The following CDK12 variants were observed in gnomAD, a reference collection of about 807,000 sequenced individuals.
CDK12 encodes the protein cyclin-dependent kinase 12.
A neutral mutation model predicts 133.8 loss-of-function variants in CDK12; 17 were observed. The observed-to-expected ratio is 0.13, with a 90% CI of 0.09 to 0.19. The LOEUF (loss-of-function observed/expected upper bound fraction) is 0.19. Among genes scored for constraint, CDK12 ranks in the 10% least tolerant of loss-of-function variants. CDK12 has a pLI of 1.00. For missense variants in CDK12, 1,508 were observed against 1,818.7 expected (o/e 0.83, Z 3.11); for synonymous variants, 694 against 683.6 (o/e 1.02, Z -0.24).
chr17:39,475,041 G>T (rs1420828671), intron 2 of CDK12, among the ~76,000 whole-genome samples: 1 of 151,538 alleles, frequency 6.6e-6, no homozygotes, highest in African/African-American at 2.4e-5. Context: ...CACCATGTTG[G>T]CCAGGCTGGT....
Position 39,505,177 on chromosome 17 carries a change from T to C in CDK12, c.2609+3738T>C, listed in dbSNP as rs554704581. Among the ~76,000 whole-genome samples the C allele has an allele frequency of 3.4e-4, 47 of 139,156 alleles. No homozygotes were observed. In the South Asian group the frequency reaches 0.01, roughly 31 times the overall value. The allele number at this position is 139,156 out of a possible 152,430, so 91.3% of individuals were successfully genotyped here. On this transcript the variant is annotated intron_variant, in intron 6 of 13. Transcript: ENST00000447079. The stretch of plus-strand genomic sequence containing the variant: ...CCAGGAGACAGAGGTTGCAGTGAGC[T>C]GAGATCGCGCCACTGCACTCCAGCC...
chr17:39,531,490 A>T lies in CDK12; in HGVS notation c.*174A>T, dbSNP rs1366411767. The T allele has an allele frequency of 3.8e-6, 2 of 525,824 alleles. No homozygotes were observed. The highest frequency in any genetic ancestry group is 2.0e-5 in the African/African-American group (1 of 50,636). The allele number at this position is 525,824 out of a possible 1,614,324, so 32.6% of individuals were successfully genotyped here. On this transcript the variant is annotated 3_prime_UTR_variant, in exon 14 of 14. Transcript: ENST00000447079. ...CTACTAGCAGGCGACTTACGAAATAATGATGTTGGCACCAGTTCCCCCTGG... is the reference window on the plus strand; with the variant it reads ...CTACTAGCAGGCGACTTACGAAATATTGATGTTGGCACCAGTTCCCCCTGG...
chr17:39,518,975 C>T (rs1312228941), intron 10 of CDK12, among the ~76,000 whole-genome samples: 1 of 152,202 alleles, frequency 6.6e-6, no homozygotes, highest in African/African-American at 2.4e-5. Flanking sequence ...CATCTCGGCT[C>T]ACTGCAACCT....
At chr17:39,554,707 C>T (rs942542759) in intron 2 of CDK12, among the ~76,000 whole-genome samples, 2 of 151,694 alleles carry the variant, frequency 1.3e-5, no homozygotes, top group African/African-American at 2.4e-5. Flanking sequence ...GGTGAAACGC[C>T]GTCTCTACTA....
chr17:39,476,355 C>T (rs577021170), intron 2 of CDK12, among the ~76,000 whole-genome samples: 11 of 151,978 alleles, frequency 7.2e-5, no homozygotes, highest in East Asian at 1.9e-4. Context: ...ATGATCTGTC[C>T]GCCTCAGCCT....
intron 11 of CDK12, among the ~76,000 whole-genome samples, chr17:39,523,949 C>G (rs1277399691): frequency 6.6e-6 from 1 of 152,100 alleles, no homozygotes; most frequent in African/African-American, 2.4e-5. Context: ...CCGCGCCCAG[C>G]CAAATTCATT....
At chr17:39,519,414 T>C (rs1052546906) in intron 10 of CDK12, among the ~76,000 whole-genome samples, 3 of 146,536 alleles carry the variant, frequency 2.0e-5, no homozygotes, top group Non-Finnish European at 3.0e-5. Flanking sequence ...GTCCAAGCGA[T>C]TCTCAGCCCT....
intron 2 of CDK12, among the ~76,000 whole-genome samples, chr17:39,482,196 G>A (rs2050769532): frequency 6.6e-6 from 1 of 151,010 alleles, no homozygotes; most frequent in South Asian, 2.1e-4. Context: ...GTTTTTAATA[G>A]AGATGGGGTT....
At chr17:39,485,067 G>A (rs919868308) in intron 2 of CDK12, among the ~76,000 whole-genome samples, 4 of 151,672 alleles carry the variant, frequency 2.6e-5, no homozygotes, top group Admixed American at 6.6e-5. Context: ...CTACTCGGGA[G>A]GCTGAGGCAG....
chr17:39,526,149 A>C lies in CDK12; in HGVS notation c.3593A>C (p.Glu1198Ala). 6.2e-7 allele frequency: 1 copy of C among 1,614,194 alleles called. No individual in the cohort carries two copies. Among genetic ancestry groups the C allele is most frequent in the Non-Finnish European group, 8.5e-7 (1 of 1,180,038 alleles). ...CCTTCAGCAGAACAGACGACCCTTG[A>C]AGCTTCAAGCACACCAGCTGACATG... is the stretch of plus-strand genomic sequence containing the variant. Reference protein sequence around the residue: ...ILPSAEQTTLEASSTPADMQN... With the variant: ...ILPSAEQTTLAASSTPADMQN... The change falls in exon 13 of 14, where the codon GAA (glutamate) becomes GCA (alanine). Residue 1198 changes from glutamate to alanine, a missense_variant. Coordinates refer to ENST00000447079, the MANE Select transcript of CDK12 (RefSeq NM_016507.4).
At chr17:39,482,498 C>T (rs1359711989) in intron 2 of CDK12, among the ~76,000 whole-genome samples, 1 of 150,290 alleles carries the variant, frequency 6.7e-6, no homozygotes, top group Non-Finnish European at 1.5e-5. Context: ...TTTTAGGGAA[C>T]ACTTCACGAA....
Position 39,526,138 on chromosome 17 carries a change from G to A in CDK12, c.3582G>A (p.Gln1194=), listed in dbSNP as rs773025524. The change falls in exon 13 of 14, where the codon CAG becomes CAA. Residue 1194 remains glutamine, a synonymous_variant. Coordinates refer to ENST00000447079, the MANE Select transcript of CDK12 (RefSeq NM_016507.4). ...CAGTGATCCTGCCTTCAGCAGAACA[G>A]ACGACCCTTGAAGCTTCAAGCACAC... ...SAPVILPSAE[Q]TTLEASSTPA... 1.2e-6 allele frequency: 2 copies of A among 1,614,200 alleles called. No individual in the cohort carries two copies. Among genetic ancestry groups the A allele is most frequent in the South Asian group, 1.1e-5 (1 of 91,084 alleles).
At chr17:39,482,326 TAA>T (rs2050778715) in intron 2 of CDK12, among the ~76,000 whole-genome samples, 3 of 152,086 alleles carry the variant, frequency 2.0e-5, no homozygotes, top group Non-Finnish European at 4.4e-5. Context: ...TCTGTTTTTC[TAA>T]TAGCCTTGTT....
intron 10 of CDK12, among the ~76,000 whole-genome samples, chr17:39,518,273 G>A (rs1256095111): frequency 1.3e-5 from 2 of 151,646 alleles, no homozygotes; most frequent in African/African-American, 2.4e-5. Context: ...CTCTGAGTCC[G>A]GCCCCACCTT....
At chr17:39,520,346 G>T (rs540992226) in intron 11 of CDK12, among the ~76,000 whole-genome samples, 2 of 152,180 alleles carry the variant, frequency 1.3e-5, no homozygotes, top group Non-Finnish European at 2.9e-5. Flanking sequence ...GAATATTGTT[G>T]TGTAGAGCCT....
chr17:39,544,375 C>A, upstream of CDK12: 1 of 481,000 alleles, frequency 2.1e-6, no homozygotes, highest in South Asian at 1.6e-5. Context: ...GGGCCTAAAG[C>A]CAATCAGAGG....
At chr17:39,501,207 CTTT>C (rs534398013) in intron 5 of CDK12, 40 bp from the exon 6 acceptor site, 1 of 1,213,004 alleles carries the variant, frequency 8.2e-7, no homozygotes, top group Non-Finnish European at 1.1e-6. Context: ...TTTCAGCATT[CTTT>C]TTTTTTTCTT....
At chr17:39,497,295 G>A (rs963842865) in intron 5 of CDK12, among the ~76,000 whole-genome samples, 53 of 152,166 alleles carry the variant, frequency 3.5e-4, no homozygotes, top group Admixed American at 5.9e-4. Flanking sequence ...TATAATCCCA[G>A]CATTTTGGGA....
At chr17:39,529,723 T>A (rs1010221087) in intron 13 of CDK12, among the ~76,000 whole-genome samples, 1 of 152,218 alleles carries the variant, frequency 6.6e-6, no homozygotes, top group African/African-American at 2.4e-5. Flanking sequence ...GTGGAAGTAG[T>A]TCAAGAAAGA....
Sources: gnomAD v4.1 joint callset for allele counts (sites outside exome capture counted in the v4.1 genomes callset) on GRCh38, gnomAD v4.1.1 for gene constraint, MANE v1.5 for transcripts, NCBI Gene and HGNC (gene_info 2026-07-23, HGNC 2026-07-21) for gene names.